The following CREB5 variants were observed in gnomAD, a reference collection of about 807,000 sequenced individuals.
CREB5 encodes cAMP responsive element binding protein 5, also known as cyclic AMP-responsive element-binding protein 5.
In CREB5, 19 loss-of-function variants were observed where a neutral mutation model predicts 57.1. The observed-to-expected ratio is 0.33, with a 90% CI of 0.23 to 0.49. CREB5 has a LOEUF of 0.49. Ranked by LOEUF, CREB5 falls within the 20% of genes least tolerant of loss-of-function variation. The probability of loss-of-function intolerance (pLI) is 0.99; values close to 1 mark genes in which losing one functional copy is unlikely to be tolerated. For missense variants in CREB5, 579 were observed against 671.6 expected, an observed-to-expected ratio of 0.86 and a Z score of 1.52; for synonymous variants, 238 against 238.3, an observed-to-expected ratio of 1.00 and a Z score of 0.01.
intron 1 of CREB5, among the ~76,000 whole-genome samples, chr7:28,404,767 G>A (rs181189611): frequency 6.6e-6 from 1 of 152,300 alleles, no homozygotes; most frequent in East Asian, 1.9e-4. Flanking sequence ...ATGGAGGCTG[G>A]TGGCTTTTCC....
chr7:28,341,102 C>A (rs1266409451), intron 1 of CREB5, among the ~76,000 whole-genome samples: 1 of 152,100 alleles, frequency 6.6e-6, no homozygotes, highest in Admixed American at 6.5e-5. Flanking sequence ...GACCGCTCAT[C>A]TGATTGTTTG....
rs898094188 is a variant in CREB5, at chr7:28,823,509, A to C, written c.*4230A>C. 6.6e-6 allele frequency: 1 copy of C among 152,592 alleles called. No homozygotes were observed. Among genetic ancestry groups the C allele is most frequent in the Non-Finnish European group, 1.5e-5 (1 of 68,038 alleles). The allele number at this position is 152,592 out of a possible 1,614,324, so 9.5% of individuals were successfully genotyped here. On this transcript the variant is annotated 3_prime_UTR_variant, in exon 11 of 11. Coordinates refer to ENST00000357727, the MANE Select transcript of CREB5 (RefSeq NM_182898.4). ...TCATTTGGTGGAAATGTTTGCTTAG[A>C]TCTCTGTGCATAGACATTTCAAGGA... is the stretch of plus-strand genomic sequence containing the variant.
chr7:28,696,985 A>G (rs1801609913), intron 5 of CREB5, among the ~76,000 whole-genome samples: 1 of 151,914 alleles, frequency 6.6e-6, no homozygotes, highest in Admixed American at 6.6e-5. Flanking sequence ...TTGTGTGTAT[A>G]TATACCCATG....
At chr7:28,514,380 GGTTTTATTT>G (rs1198312284) in intron 4 of CREB5, among the ~76,000 whole-genome samples, 2 of 151,980 alleles carry the variant, frequency 1.3e-5, no homozygotes, top group Non-Finnish European at 2.9e-5. Flanking sequence ...ATTTATCACA[GGTTTTATTT>G]GTTTTATTTA....
At chr7:28,681,289 C>T (rs1800577610) in intron 5 of CREB5, among the ~76,000 whole-genome samples, 1 of 152,200 alleles carries the variant, frequency 6.6e-6, no homozygotes, top group Admixed American at 6.5e-5. Context: ...GCAACATATT[C>T]AGGGAAGACC....
At chr7:28,771,813 A>G (rs938491741) in intron 7 of CREB5, among the ~76,000 whole-genome samples, 15 of 151,978 alleles carry the variant, frequency 9.9e-5, no homozygotes, top group South Asian at 4.2e-4. Context: ...GGTGGGGCCA[A>G]TCTCTCAGGA....
At chr7:28,626,815 T>A (rs1798011276) in intron 5 of CREB5, among the ~76,000 whole-genome samples, 1 of 152,122 alleles carries the variant, frequency 6.6e-6, no homozygotes, top group African/African-American at 2.4e-5. Context: ...CTCCCCCTGG[T>A]GTTCAGAAAG....
chr7:28,517,705 G>A (rs1440011253), intron 4 of CREB5, among the ~76,000 whole-genome samples: 1 of 152,140 alleles, frequency 6.6e-6, no homozygotes, highest in African/African-American at 2.4e-5. Context: ...CCTGTCTGCA[G>A]TGGAATATCT....
intron 1 of CREB5, among the ~76,000 whole-genome samples, chr7:28,424,308 GT>G (rs571336849): frequency 6.6e-6 from 1 of 152,282 alleles, no homozygotes; most frequent in South Asian, 2.1e-4. Context: ...ACTACAGCAG[GT>G]GTGTCCAGCA....
Position 28,505,239 on chromosome 7 carries a change from C to T in CREB5, c.170-2377C>T, listed in dbSNP as rs78227570. On this transcript the variant is annotated intron_variant, in intron 3 of 10. Coordinates refer to ENST00000357727, the MANE Select transcript of CREB5 (RefSeq NM_182898.4). The stretch of plus-strand genomic sequence containing the variant: ...ACACATGCACACACGCACGCACACA[C>T]GCACATACACCCTTTTACTTTCACT... Among the ~76,000 whole-genome samples the T allele has an allele frequency of 4.2e-4, 64 of 152,346 alleles. No homozygotes were observed. The East Asian group carries it at 0.011, about 25-fold the overall frequency.
intron 1 of CREB5, among the ~76,000 whole-genome samples, chr7:28,367,015 C>T (rs2127993159): frequency 6.7e-6 from 1 of 149,794 alleles, no homozygotes. Context: ...AATCGCTCTC[C>T]TTAAAACTAT....
intron 5 of CREB5, among the ~76,000 whole-genome samples, chr7:28,662,620 C>T (rs990573751): frequency 1.1e-4 from 17 of 152,246 alleles, no homozygotes; most frequent in African/African-American, 4.1e-4. Context: ...GCTACTCAAC[C>T]CCCAATTCCA....
At chr7:28,410,501 C>G, upstream of CREB5, 1 of 456,672 alleles carries the variant, frequency 2.2e-6, no homozygotes, top group African/African-American at 2.0e-5. Flanking sequence ...AGCTGCATCC[C>G]GCTTCTTCTT....
chr7:28,357,322 T>C (rs1371492049), intron 1 of CREB5, among the ~76,000 whole-genome samples: 1 of 152,234 alleles, frequency 6.6e-6, no homozygotes. Flanking sequence ...CATTTTCATT[T>C]GAAAGGGTTT....
chr7:28,447,299 C>T (rs559888477), intron 1 of CREB5, among the ~76,000 whole-genome samples: 2 of 152,338 alleles, frequency 1.3e-5, no homozygotes, highest in South Asian at 4.1e-4. Context: ...TTGCAGTTCA[C>T]ATGTGACAGA....
chr7:28,395,220 G>A (rs777747642), intron 1 of CREB5, among the ~76,000 whole-genome samples: 1 of 152,176 alleles, frequency 6.6e-6, no homozygotes, highest in Admixed American at 6.5e-5. Context: ...AATGCAATTA[G>A]TTTGGAGTAT....
chr7:28,790,885 C>T (rs939201576), intron 7 of CREB5, among the ~76,000 whole-genome samples: 54 of 152,204 alleles, frequency 3.5e-4, no homozygotes, highest in African/African-American at 1.3e-3. Context: ...CCTGCCATCA[C>T]CATTTCCACT....
intron 1 of CREB5, among the ~76,000 whole-genome samples, chr7:28,368,113 G>A (rs1432141020): frequency 2.6e-5 from 4 of 152,172 alleles, no homozygotes; most frequent in Non-Finnish European, 5.9e-5. Flanking sequence ...TGGAACTGGA[G>A]GCCATTATCT....
chr7:28,752,900 T>G (rs889805143), intron 7 of CREB5, among the ~76,000 whole-genome samples: 1 of 152,120 alleles, frequency 6.6e-6, no homozygotes, highest in Non-Finnish European at 1.5e-5. Flanking sequence ...GGATTTTTTT[T>G]TTTTTTTACT....
Sources: allele counts gnomAD v4.1 joint callset (sites outside exome capture counted in the v4.1 genomes callset), GRCh38; gene constraint gnomAD v4.1.1; transcripts MANE v1.5; gene names NCBI Gene and HGNC (gene_info 2026-07-23, HGNC 2026-07-21).